Variants in TMCC1 observed in about 807,000 individuals in gnomAD.
The protein encoded by TMCC1 is transmembrane and coiled-coil domains protein 1.
Under a neutral mutation model 52.4 loss-of-function variants are expected in TMCC1, and 15 were observed. That is an observed-to-expected ratio of 0.29 (90% CI 0.19 to 0.44). TMCC1 has a LOEUF of 0.44. TMCC1 is among the 20% of genes least tolerant of loss of function. The probability of loss-of-function intolerance (pLI) is 1.00; values close to 1 mark genes in which losing one functional copy is unlikely to be tolerated. For missense variants in TMCC1, 503 were observed against 806.0 expected, an observed-to-expected ratio of 0.62 and a Z score of 4.55; for synonymous variants, 279 against 301.9, an observed-to-expected ratio of 0.92 and a Z score of 0.79.
At chr3:129,726,085 T>C (rs1650345022) in intron 4 of TMCC1, among the ~76,000 whole-genome samples, 1 of 152,144 alleles carries the variant, frequency 6.6e-6, no homozygotes, top group Admixed American at 6.5e-5. Context: ...GTACAGACTT[T>C]GGGCCAAAAG....
At chr3:129,706,602 C>A (rs2048262851) in intron 4 of TMCC1, among the ~76,000 whole-genome samples, 1 of 152,170 alleles carries the variant, frequency 6.6e-6, no homozygotes, top group African/African-American at 2.4e-5. Flanking sequence ...TGTACTCCAT[C>A]TGAGTACAGA....
chr3:129,760,454 CTG>C (rs61394124), intron 4 of TMCC1, among the ~76,000 whole-genome samples: 1,774 of 129,016 alleles, frequency 0.014, 31 homozygotes, highest in African/African-American at 0.025. Context: ...CAGTCTCGCT[CTG>C]TGTGTGTGTG....
chr3:129,889,069 C>T (rs188184114), intron 1 of TMCC1, among the ~76,000 whole-genome samples: 7 of 152,046 alleles, frequency 4.6e-5, no homozygotes, highest in Admixed American at 1.3e-4. Flanking sequence ...TCTAGGAGTT[C>T]GAGACCAGCC....
intron 4 of TMCC1, among the ~76,000 whole-genome samples, chr3:129,807,241 T>C (rs1015756555): frequency 6.6e-6 from 1 of 152,214 alleles, no homozygotes; most frequent in African/African-American, 2.4e-5. Context: ...TACAAAAGCA[T>C]GGCAATGGTA....
At chr3:129,890,522 A>C (rs1192245828) in intron 1 of TMCC1, among the ~76,000 whole-genome samples, 3 of 152,218 alleles carry the variant, frequency 2.0e-5, no homozygotes, top group Non-Finnish European at 4.4e-5. Context: ...CACATCTATG[A>C]GCATGTATTA....
intron 2 of TMCC1, among the ~76,000 whole-genome samples, chr3:129,837,181 T>G (rs150277357): frequency 2.0e-5 from 3 of 152,072 alleles, no homozygotes; most frequent in African/African-American, 7.2e-5. Flanking sequence ...AAGAAGGGAA[T>G]AGTCTTCTGA....
At chr3:129,695,096 C>CAAAA (rs11291309) in intron 4 of TMCC1, among the ~76,000 whole-genome samples, 4,032 of 35,230 alleles carry the variant, frequency 0.11, 1,341 homozygotes, top group Non-Finnish European at 0.14. Context: ...GACTCTGTCT[C>CAAAA]AAAAAAAAAA....
intron 2 of TMCC1, among the ~76,000 whole-genome samples, chr3:129,860,106 T>C (rs918830392): frequency 6.6e-6 from 1 of 152,194 alleles, no homozygotes; most frequent in African/African-American, 2.4e-5. Flanking sequence ...AAAATACATA[T>C]GTTAAAGCGT....
chr3:129,786,443 C>T (rs923853898), intron 4 of TMCC1, among the ~76,000 whole-genome samples: 2 of 152,126 alleles, frequency 1.3e-5, no homozygotes, highest in Non-Finnish European at 2.9e-5. Context: ...ACCAAATGAT[C>T]TCTACTTTGA....
chr3:129,766,637 T>C (rs1022819790), intron 4 of TMCC1, among the ~76,000 whole-genome samples: 1 of 152,216 alleles, frequency 6.6e-6, no homozygotes, highest in South Asian at 2.1e-4. Flanking sequence ...TTGTTTTTTA[T>C]TGAGACAGGG....
chr3:129,649,203 G>A lies in TMCC1; in HGVS notation c.*2278C>T, dbSNP rs2086185256. 6.6e-6 allele frequency: 1 copy of A among 152,188 alleles called. No individual in the cohort carries two copies. The highest frequency in any genetic ancestry group is 2.1e-4 in the South Asian group (1 of 4,828). The allele number at this position is 152,188 out of a possible 1,614,324, so 9.4% of individuals were successfully genotyped here. Reference sequence around the variant, plus strand: ...TCTAGCTTAGAAAAACTGGTGGATTGCTGCTAGGGCATCTTTTAAATAACT... The same window carrying A: ...TCTAGCTTAGAAAAACTGGTGGATTACTGCTAGGGCATCTTTTAAATAACT... On this transcript the variant is annotated 3_prime_UTR_variant, in exon 7 of 7. Coordinates refer to ENST00000393238, the MANE Select transcript of TMCC1 (RefSeq NM_001017395.5).
intron 5 of TMCC1, among the ~76,000 whole-genome samples, chr3:129,659,050 T>G (rs1431334300): frequency 6.6e-6 from 1 of 152,072 alleles, no homozygotes; most frequent in African/African-American, 2.4e-5. Flanking sequence ...ACCTAGAGTT[T>G]GATTCTTTGT....
chr3:129,730,356 T>G (rs540911828), intron 4 of TMCC1, among the ~76,000 whole-genome samples: 67 of 152,306 alleles, frequency 4.4e-4, no homozygotes, highest in African/African-American at 1.4e-3. Flanking sequence ...GTGTGAGAAG[T>G]TCAAGTTTTT....
chr3:129,813,205 T>C (rs1296509984), intron 4 of TMCC1, among the ~76,000 whole-genome samples: 1 of 152,212 alleles, frequency 6.6e-6, no homozygotes, highest in Non-Finnish European at 1.5e-5. Flanking sequence ...ACTTACACAC[T>C]GCCAGTAGGA....
intron 1 of TMCC1, among the ~76,000 whole-genome samples, chr3:129,889,663 T>A (rs2061873478): frequency 6.6e-6 from 1 of 152,230 alleles, no homozygotes; most frequent in East Asian, 1.9e-4. Flanking sequence ...ACGGCATCCC[T>A]GGAATTTTAC....
intron 4 of TMCC1, among the ~76,000 whole-genome samples, chr3:129,729,612 G>T (rs1349350030): frequency 2.0e-5 from 3 of 151,540 alleles, no homozygotes; most frequent in African/African-American, 7.3e-5. Context: ...GTCACTTGAG[G>T]CCAGGAGGTT....
At chr3:129,674,433 G>GA (rs1277770957) in intron 4 of TMCC1, among the ~76,000 whole-genome samples, 8 of 152,218 alleles carry the variant, frequency 5.3e-5, no homozygotes, top group South Asian at 2.1e-4. Context: ...TGAATCACTG[G>GA]ACTACTGGAA....
rs11433105 is a variant in TMCC1, at chr3:129,693,503, ATTTTTTT to A, written c.577-22246_577-22240del. Among the ~76,000 whole-genome samples, 398 of 121,994 alleles carry A rather than the reference ATTTTTTT, an allele frequency of 3.3e-3. 4 individuals are homozygous for A. Among genetic ancestry groups the A allele is most frequent in the African/African-American group, 0.011 (370 of 32,838 alleles). 80.0% of individuals were successfully genotyped at this position (121,994 alleles called of 152,430 possible). A position where few individuals can be genotyped will look rare whatever the true frequency, so the allele number is the denominator to read the frequency against. ...TTGATCTTGCCTTCCCCAAGATTGA[ATTTTTTT>A]TTTTTTTTTTTTTTGAGACAGGGTC... On this transcript the variant is annotated intron_variant, in intron 4 of 6. Coordinates refer to ENST00000393238, the MANE Select transcript of TMCC1 (RefSeq NM_001017395.5).
intron 4 of TMCC1, among the ~76,000 whole-genome samples, chr3:129,759,095 GCTA>G (rs1268306950): frequency 6.6e-6 from 1 of 152,104 alleles, no homozygotes; most frequent in Non-Finnish European, 1.5e-5. Flanking sequence ...CCACCTGTCA[GCTA>G]TTGTGATTAG....
Sources: gnomAD v4.1 joint callset for allele counts (sites outside exome capture counted in the v4.1 genomes callset) on GRCh38, gnomAD v4.1.1 for gene constraint, MANE v1.5 for transcripts, NCBI Gene and HGNC (gene_info 2026-07-23, HGNC 2026-07-21) for gene names.